Variants in CNTN3 observed in about 807,000 individuals in gnomAD.
CNTN3 encodes the protein contactin 3.
CNTN3 carries 60 observed loss-of-function variants against 119.1 expected under a neutral mutation model. The ratio of observed to expected loss-of-function variants is 0.50; its 90% CI spans 0.41 to 0.62. The LOEUF is 0.62. CNTN3 is among the 20% of genes least tolerant of loss of function. The pLI is 0.00. For missense variants in CNTN3, 1,101 were observed against 1,242.4 expected (o/e 0.89, Z 1.71); for synonymous variants, 450 against 438.7 (o/e 1.03, Z -0.32).
intron 2 of CNTN3, among the ~76,000 whole-genome samples, chr3:74,504,846 GA>G (rs1703225911): frequency 6.6e-6 from 1 of 152,122 alleles, no homozygotes; most frequent in Admixed American, 6.6e-5. Flanking sequence ...AAAAGCCCAA[GA>G]GGGTGTATTC....
chr3:74,596,983 T>G (rs1446958337), intron 1 of CNTN3, among the ~76,000 whole-genome samples: 1 of 152,000 alleles, frequency 6.6e-6, no homozygotes, highest in Non-Finnish European at 1.5e-5. Context: ...TGCCCTGAAA[T>G]TCAGTTGGAT....
chr3:74,316,831 G>A (rs910462952), intron 13 of CNTN3, among the ~76,000 whole-genome samples: 1 of 151,878 alleles, frequency 6.6e-6, no homozygotes, highest in Non-Finnish European at 1.5e-5. Flanking sequence ...GGGAGGCTGA[G>A]GCAGGAGAAT....
intron 13 of CNTN3, among the ~76,000 whole-genome samples, chr3:74,320,720 G>A (rs560868435): frequency 3.3e-5 from 5 of 152,174 alleles, no homozygotes; most frequent in South Asian, 2.1e-4. Flanking sequence ...TCATGAAGAC[G>A]TCCCTGAGCC....
chr3:74,451,503 A>G (rs1702155068), intron 4 of CNTN3, among the ~76,000 whole-genome samples: 1 of 152,090 alleles, frequency 6.6e-6, no homozygotes, highest in Admixed American at 6.6e-5. Context: ...TGCCGTGCAG[A>G]AGCTCTTTAG....
At chr3:74,452,324 A>G (rs368683547) in intron 4 of CNTN3, among the ~76,000 whole-genome samples, 1 of 119,646 alleles carries the variant, frequency 8.4e-6, no homozygotes, top group African/African-American at 3.4e-5. Flanking sequence ...TTTGTCTGTT[A>G]TTGGTGTATA....
intron 18 of CNTN3, 85 bp from the exon 19 acceptor site, chr3:74,295,321 C>G: frequency 1.4e-6 from 1 of 709,716 alleles, no homozygotes; most frequent in Non-Finnish European, 2.4e-6. Flanking sequence ...TTTATAAAAG[C>G]ATTTTAACGT....
chr3:74,390,272 T>C (rs570680699), intron 5 of CNTN3, among the ~76,000 whole-genome samples: 4 of 152,152 alleles, frequency 2.6e-5, no homozygotes, highest in African/African-American at 9.6e-5. Flanking sequence ...GAATGTGGAA[T>C]GTGGGCTTTT....
chr3:74,467,127 G>T (rs758597405), intron 4 of CNTN3, among the ~76,000 whole-genome samples: 3 of 151,708 alleles, frequency 2.0e-5, no homozygotes, highest in African/African-American at 7.3e-5. Flanking sequence ...TTCAAAAAAG[G>T]TATACTATAC....
intron 1 of CNTN3, among the ~76,000 whole-genome samples, chr3:74,607,485 C>G (rs1385400578): frequency 1.3e-5 from 2 of 152,156 alleles, no homozygotes; most frequent in African/African-American, 2.4e-5. Context: ...CAGTTGGGGC[C>G]CTGCCCTAGT....
intron 1 of CNTN3, among the ~76,000 whole-genome samples, chr3:74,567,425 G>A (rs1422156377): frequency 1.3e-5 from 2 of 149,354 alleles, no homozygotes; most frequent in African/African-American, 4.9e-5. Context: ...CTCCCAAAGT[G>A]TTGGGATTAT....
At chr3:74,313,423 T>A (rs958407783) in intron 13 of CNTN3, among the ~76,000 whole-genome samples, 1 of 151,882 alleles carries the variant, frequency 6.6e-6, no homozygotes, top group African/African-American at 2.4e-5. Flanking sequence ...CACCTTGGCA[T>A]ACCACAGAAA....
Position 74,315,311 on chromosome 3 carries a change from G to A in CNTN3, c.1669-12504C>T, listed in dbSNP as rs146783366. On this transcript the variant is annotated intron_variant, in intron 13 of 22. Coordinates refer to ENST00000263665, the MANE Select transcript of CNTN3 (RefSeq NM_020872.3). ...CAACCATAAAAATAGTTATCCAGCAGATCTCGAGGCTGCTCTGCCTATGGA... is the reference window on the plus strand; with the variant it reads ...CAACCATAAAAATAGTTATCCAGCAAATCTCGAGGCTGCTCTGCCTATGGA... Among the ~76,000 whole-genome samples, 718 of 152,258 alleles carry A rather than the reference G, an allele frequency of 4.7e-3. 5 individuals are homozygous for A. The highest frequency in any genetic ancestry group is 5.2e-3 in the Non-Finnish European group (352 of 68,014).
At chr3:74,512,914 C>CA (rs71129761) in intron 2 of CNTN3, among the ~76,000 whole-genome samples, 135,608 of 152,054 alleles carry the variant, frequency 0.89, 60,802 homozygotes, top group East Asian at 0.96. Context: ...ATATCGCTTG[C>CA]AAGTGTGCAG....
intron 1 of CNTN3, among the ~76,000 whole-genome samples, chr3:74,531,838 T>C (rs1425741024): frequency 6.6e-6 from 1 of 151,870 alleles, no homozygotes; most frequent in Non-Finnish European, 1.5e-5. Context: ...GGATGGGGCA[T>C]AACTGCAAAT....
intron 11 of CNTN3, among the ~76,000 whole-genome samples, chr3:74,338,407 CAT>C (rs1262249295): frequency 5.9e-5 from 9 of 151,526 alleles, no homozygotes; most frequent in Non-Finnish European, 8.8e-5. Flanking sequence ...TATATATATA[CAT>C]ATGTGTATAC....
chr3:74,544,631 C>T (rs1040157235), intron 1 of CNTN3, among the ~76,000 whole-genome samples: 1 of 152,048 alleles, frequency 6.6e-6, no homozygotes, highest in African/African-American at 2.4e-5. Context: ...CAGAGTCTTG[C>T]TTTGTCACCC....
intron 13 of CNTN3, among the ~76,000 whole-genome samples, chr3:74,327,950 C>T (rs1703170631): frequency 6.6e-6 from 1 of 151,194 alleles, no homozygotes; most frequent in Non-Finnish European, 1.5e-5. Context: ...TTTCTTTTCT[C>T]TTTATTCTTC....
chr3:74,483,960 T>C (rs903763894), intron 4 of CNTN3, among the ~76,000 whole-genome samples: 3 of 152,166 alleles, frequency 2.0e-5, no homozygotes, highest in Non-Finnish European at 2.9e-5. Flanking sequence ...TTTTTTCTCT[T>C]ACAAGTCATA....
intron 13 of CNTN3, among the ~76,000 whole-genome samples, chr3:74,305,765 GT>G (rs1033209697): frequency 6.6e-6 from 1 of 150,756 alleles, no homozygotes; most frequent in African/African-American, 2.4e-5. Context: ...TTCTGTTTCT[GT>G]TTTCAGTGCT....
Sources: allele counts gnomAD v4.1 joint callset (sites outside exome capture counted in the v4.1 genomes callset), GRCh38; gene constraint gnomAD v4.1.1; transcripts MANE v1.5; gene names NCBI Gene and HGNC (gene_info 2026-07-23, HGNC 2026-07-21).